PLCE1: variants seen among roughly 807,000 people sequenced by gnomAD.
PLCE1 encodes phospholipase C epsilon 1.
A neutral mutation model predicts 242.8 loss-of-function variants in PLCE1; 119 were observed. The observed-to-expected ratio is 0.49, with a 90% CI of 0.42 to 0.57. PLCE1 has a LOEUF of 0.57. Among genes scored for constraint, PLCE1 ranks in the 20% least tolerant of loss-of-function variants. The probability of loss-of-function intolerance (pLI) is 0.00; values close to 1 mark genes in which losing one functional copy is unlikely to be tolerated. For synonymous variants in PLCE1, 945 were observed against 1,017.4 expected, an observed-to-expected ratio of 0.93 and a Z score of 1.35; for missense variants, 2,441 against 2,788.8, an observed-to-expected ratio of 0.88 and a Z score of 2.81.
intron 4 of PLCE1, among the ~76,000 whole-genome samples, chr10:94,220,734 G>A (rs761836778): frequency 1.3e-4 from 20 of 152,130 alleles, no homozygotes; most frequent in African/African-American, 2.2e-4. Context: ...GCATCATGCT[G>A]AGATCTTTAG....
At chr10:94,014,382 T>C (rs2061234858) in intron 1 of PLCE1, among the ~76,000 whole-genome samples, 1 of 151,532 alleles carries the variant, frequency 6.6e-6, no homozygotes, top group Non-Finnish European at 1.5e-5. Flanking sequence ...GGCAGGAGGA[T>C]TGCTTGAGGC....
At chr10:94,318,166 A>T (rs913362585) in intron 29 of PLCE1, among the ~76,000 whole-genome samples, 2 of 152,186 alleles carry the variant, frequency 1.3e-5, no homozygotes, top group African/African-American at 4.8e-5. Flanking sequence ...TAAGCAAAAA[A>T]ATGTAATTGT....
chr10:94,318,818 T>C (rs2053668807), intron 29 of PLCE1, among the ~76,000 whole-genome samples: 1 of 152,180 alleles, frequency 6.6e-6, no homozygotes, highest in Non-Finnish European at 1.5e-5. Context: ...CCCAGCACTT[T>C]GGGAAGCCAA....
At chr10:94,269,587 C>T (rs1445631204) in intron 17 of PLCE1, among the ~76,000 whole-genome samples, 3 of 152,080 alleles carry the variant, frequency 2.0e-5, no homozygotes, top group Non-Finnish European at 2.9e-5. Context: ...AGTTAGTAAC[C>T]ATTACCTTAC....
At chr10:94,199,741 TG>T (rs1432125529) in intron 4 of PLCE1, among the ~76,000 whole-genome samples, 1 of 152,200 alleles carries the variant, frequency 6.6e-6, no homozygotes, top group East Asian at 1.9e-4. Context: ...GAGTCAGTTT[TG>T]TCAAGAAAAA....
At chr10:94,270,731 G>A (rs1203390989) in intron 18 of PLCE1, 129 bp downstream of exon 18, 2 of 741,714 alleles carry the variant, frequency 2.7e-6, no homozygotes, top group African/African-American at 1.7e-5. Flanking sequence ...GTGCAGTGGT[G>A]CAGTCTTGGC....
intron 3 of PLCE1, among the ~76,000 whole-genome samples, chr10:94,140,070 A>C (rs2046905768): frequency 1.3e-5 from 2 of 152,052 alleles, no homozygotes; most frequent in African/African-American, 4.8e-5. Context: ...AAATAATAAT[A>C]CATTATGTAT....
In PLCE1 at chr10:94,234,201, G is replaced by A. The variant is rs1278934508; in HGVS notation, c.2103G>A (p.Lys701=). ...GTGCCCTGCACATCCCTGGCTGTAAGGTGGTTCCATTCTGTGGGGTGTTTC... is the reference window on the plus strand; with the variant it reads ...GTGCCCTGCACATCCCTGGCTGTAAAGTGGTTCCATTCTGTGGGGTGTTTC... ...VTRALHIPGC[K]VVPFCGVFLK... Residue 701 remains lysine (K), a synonymous_variant, in exon 6 of 33, where the codon AAG becomes AAA. Coordinates refer to ENST00000371380, the MANE Select transcript of PLCE1 (RefSeq NM_016341.4). 6.2e-7 allele frequency: 1 copy of A among 1,614,166 alleles called. No homozygotes were observed. Among genetic ancestry groups the A allele is most frequent in the East Asian group, 2.2e-5 (1 of 44,860 alleles).
intron 27 of PLCE1, among the ~76,000 whole-genome samples, chr10:94,310,512 C>T (rs1330646408): frequency 6.6e-6 from 1 of 152,020 alleles, no homozygotes; most frequent in Non-Finnish European, 1.5e-5. Context: ...CACCATGTGT[C>T]CAAGGTTTAG....
rs1445196030 is a variant in PLCE1 at position 94,258,815 on chromosome 10, T to C, written c.3570T>C (p.Ser1190=). ...NKSPSSAWSS[S]SWHGRIKGGM... Reference sequence around the variant, plus strand: ...TTTGTTGCAGTGCTTGGAGCAGTAGTAGCTGGCACGGGCGGATCAAAGGCG... The same window carrying C: ...TTTGTTGCAGTGCTTGGAGCAGTAGCAGCTGGCACGGGCGGATCAAAGGCG... The change falls in exon 12 of 33, where the codon AGT becomes AGC. Residue 1190 remains serine, a synonymous_variant. Coordinates refer to ENST00000371380, the MANE Select transcript of PLCE1 (RefSeq NM_016341.4). 6.2e-7 allele frequency: 1 copy of C among 1,614,092 alleles called. No individual in the cohort carries two copies. The highest frequency in any genetic ancestry group is 2.2e-5 in the East Asian group (1 of 44,856).
intron 2 of PLCE1, among the ~76,000 whole-genome samples, chr10:94,103,128 T>A (rs1162390333): frequency 6.6e-6 from 1 of 152,212 alleles, no homozygotes; most frequent in East Asian, 1.9e-4. Flanking sequence ...TTACTATGAA[T>A]CTACTGTTTA....
At chr10:94,120,203 G>A (rs1228668246) in intron 2 of PLCE1, among the ~76,000 whole-genome samples, 2 of 152,146 alleles carry the variant, frequency 1.3e-5, no homozygotes, top group Non-Finnish European at 1.5e-5. Flanking sequence ...TAAACTTGGT[G>A]ACAGCTCTAG....
rs187050576 is a variant in PLCE1 at position 94,316,790 on chromosome 10, G to A, written c.6342+34G>A. ...GTCTGGGTGCAGCCTACACAGTAAC[G>A]ACTCATTATGTGATTAGCCATTTAC... On this transcript the variant is annotated intron_variant, in intron 29 of 32. Coordinates refer to ENST00000371380, the MANE Select transcript of PLCE1 (RefSeq NM_016341.4). 326 of 1,473,504 alleles carry A rather than the reference G, an allele frequency of 2.2e-4. No individual in the cohort carries two copies. The East Asian group carries it at 6.1e-3, about 28-fold the overall frequency. The allele number at this position is 1,473,504 out of a possible 1,614,324, so 91.3% of individuals were successfully genotyped here.
intron 1 of PLCE1, among the ~76,000 whole-genome samples, chr10:93,997,303 C>A (rs2060843905): frequency 6.6e-6 from 1 of 152,124 alleles, no homozygotes; most frequent in Non-Finnish European, 1.5e-5. Flanking sequence ...AAATTATGGG[C>A]ATATTTTATT....
chr10:94,321,498 C>T (rs1388488033), intron 29 of PLCE1, among the ~76,000 whole-genome samples: 1 of 152,068 alleles, frequency 6.6e-6, no homozygotes, highest in Non-Finnish European at 1.5e-5. Flanking sequence ...CATGGTGGCA[C>T]ACATCTGTAA....
At chr10:94,103,605 A>C (rs1282889068) in intron 2 of PLCE1, among the ~76,000 whole-genome samples, 1 of 152,236 alleles carries the variant, frequency 6.6e-6, no homozygotes, top group African/African-American at 2.4e-5. Flanking sequence ...CCTATGTAAG[A>C]AAACTGCATG....
intron 18 of PLCE1, among the ~76,000 whole-genome samples, chr10:94,273,102 A>C (rs1400214342): frequency 6.6e-6 from 1 of 152,204 alleles, no homozygotes. Context: ...ATCCATGCTC[A>C]AAATCTTTGT....
intron 20 of PLCE1, among the ~76,000 whole-genome samples, chr10:94,280,850 G>A (rs1417477880): frequency 6.6e-6 from 1 of 152,136 alleles, no homozygotes; most frequent in Non-Finnish European, 1.5e-5. Context: ...GTTGTCTCCA[G>A]TCATAGTTCA....
At position 94,132,234 on chromosome 10, in the gene PLCE1, C is replaced by A. The variant is rs769861376; in HGVS notation, c.1267C>A (p.Leu423Ile). 21 of 1,614,070 alleles carry A rather than the reference C, an allele frequency of 1.3e-5. 2 individuals carry two copies. The highest frequency in any genetic ancestry group is 8.3e-5 in the Admixed American group (5 of 60,012). ...TACAGTTGGATCTCTACTCCATTTC[C>A]TCACCAAGCTCCCAGCCTCCGAGAC... ...ENTVGSLLHFLTKLPASETAH... is the reference protein window; with the variant it reads ...ENTVGSLLHFITKLPASETAH... Residue 423 changes from leucine to isoleucine, a missense_variant, in exon 3 of 33, where the codon CTC (leucine) becomes ATC (isoleucine). By Grantham distance (5) the Leu-to-Ile change is conservative. Coordinates refer to ENST00000371380, the MANE Select transcript of PLCE1 (RefSeq NM_016341.4).
Sources: allele counts gnomAD v4.1 joint callset (sites outside exome capture counted in the v4.1 genomes callset), GRCh38; gene constraint gnomAD v4.1.1; transcripts MANE v1.5; gene names NCBI Gene and HGNC (gene_info 2026-07-23, HGNC 2026-07-21).